ENPP2: variants seen among roughly 807,000 people sequenced by gnomAD.
The protein encoded by ENPP2 is autotaxin.
Under a neutral mutation model 120.2 loss-of-function variants are expected in ENPP2, and 51 were observed. The ratio of observed to expected loss-of-function variants is 0.42; its 90% CI spans 0.34 to 0.54. The LOEUF (loss-of-function observed/expected upper bound fraction) is 0.54. Among genes scored for constraint, ENPP2 ranks in the 20% least tolerant of loss-of-function variants. The pLI is 0.04. For synonymous variants in ENPP2, 365 were observed against 366.4 expected (o/e 1.00, Z 0.04); for missense variants, 920 against 1,066.5 (o/e 0.86, Z 1.91).
chr8:119,586,299 A>C lies in ENPP2; in HGVS notation c.1254T>G (p.Asp418Glu), dbSNP rs756558000. 8 of 1,614,014 alleles carry C rather than the reference A, an allele frequency of 5.0e-6. No homozygotes were observed. In the East Asian group the frequency reaches 1.8e-4, roughly 36 times the overall value. ...GTTTCAAGTAAGGCTTAAAGTGCTG[A>C]TCTGGTTTTTTACACTGAAATAGAA... ...IIANLTCKKP[D>E]QHFKPYLKQH... is the part of the protein sequence containing the mutation. The change falls in exon 15 of 25, where the codon GAT becomes GAG. Residue 418 changes from aspartate (D) to glutamate (E), a missense_variant. Asp to Glu is a conservative substitution (Grantham distance 45). Coordinates refer to ENST00000075322, the MANE Select transcript of ENPP2 (RefSeq NM_001040092.3).
intron 3 of ENPP2, among the ~76,000 whole-genome samples, chr8:119,625,979 G>A (rs1816244565): frequency 6.6e-6 from 1 of 152,142 alleles, no homozygotes; most frequent in South Asian, 2.1e-4. Flanking sequence ...GGAATGACAG[G>A]CACACTAACA....
At chr8:119,569,397 A>G in intron 20 of ENPP2, 27 bp from the exon 21 acceptor site, 2 of 1,612,808 alleles carry the variant, frequency 1.2e-6, no homozygotes, top group Non-Finnish European at 1.7e-6. Context: ...GGCACTCAGC[A>G]ATGCCGTGGC....
chr8:119,644,623 T>TATATATATATATAC (rs1563768976), intron 1 of ENPP2, among the ~76,000 whole-genome samples: 2 of 97,250 alleles, frequency 2.1e-5, no homozygotes, highest in South Asian at 3.9e-4. Context: ...TATATATATA[T>TATATATATATATAC]ATACACACAC....
chr8:119,578,607 T>C (rs766455202), intron 19 of ENPP2: 6 of 152,252 alleles, frequency 3.9e-5, no homozygotes, highest in Non-Finnish European at 7.3e-5. Flanking sequence ...ACTTGAATCA[T>C]GAGACTCCCC....
At chr8:119,559,539 C>A (rs921155376) in intron 24 of ENPP2, among the ~76,000 whole-genome samples, 1 of 152,182 alleles carries the variant, frequency 6.6e-6, no homozygotes, top group South Asian at 2.1e-4. Flanking sequence ...TTCTATAATT[C>A]ATCATTAGGA....
At chr8:119,581,551 C>T (rs1413613063) in intron 18 of ENPP2, among the ~76,000 whole-genome samples, 1 of 152,054 alleles carries the variant, frequency 6.6e-6, no homozygotes, top group Non-Finnish European at 1.5e-5. Flanking sequence ...CACTCATCGG[C>T]CAAATACAAT....
chr8:119,633,059 A>AAAC (rs1231997720), intron 2 of ENPP2, among the ~76,000 whole-genome samples: 1 of 152,230 alleles, frequency 6.6e-6, no homozygotes, highest in Non-Finnish European at 1.5e-5. Flanking sequence ...CCATCTCAAA[A>AAAC]AACAACAACA....
chr8:119,637,384 T>A (rs1456036527), intron 2 of ENPP2, among the ~76,000 whole-genome samples: 1 of 152,206 alleles, frequency 6.6e-6, no homozygotes, highest in African/African-American at 2.4e-5. Flanking sequence ...TCACTTCTAA[T>A]ATTATTCTTT....
chr8:119,595,130 G>A (rs1363146290), intron 11 of ENPP2, among the ~76,000 whole-genome samples: 2 of 152,156 alleles, frequency 1.3e-5, no homozygotes, highest in East Asian at 3.9e-4. Context: ...AATACCAAAT[G>A]AACAATGTGT....
chr8:119,560,537 A>G (rs1034968387), intron 24 of ENPP2, among the ~76,000 whole-genome samples: 22 of 152,184 alleles, frequency 1.4e-4, no homozygotes, highest in African/African-American at 5.1e-4. Context: ...CCACAACCCC[A>G]GTTCAAGTTC....
intron 1 of ENPP2, among the ~76,000 whole-genome samples, chr8:119,649,861 C>T (rs1339406277): frequency 6.6e-6 from 1 of 152,154 alleles, no homozygotes; most frequent in Non-Finnish European, 1.5e-5. Flanking sequence ...TACCACTTTA[C>T]CCCCACTAGG....
rs1252546525 is a variant in ENPP2 at position 119,600,722 on chromosome 8, G to T, written c.928C>A (p.Gln310Lys). 6.2e-7 allele frequency: 1 copy of T among 1,612,680 alleles called. No homozygotes were observed. The highest frequency in any genetic ancestry group is 1.1e-5 in the South Asian group (1 of 91,058). The change falls in exon 11 of 25, where the codon CAA becomes AAA. Residue 310 changes from glutamine (Q) to lysine (K), a missense_variant. Transcript: ENST00000075322. ...RPSVYAFYSEQPDFSGHKYGP... is the reference protein window; with the variant it reads ...RPSVYAFYSEKPDFSGHKYGP... ...TATTTGTGTCCAGAGAAATCAGGTTGCTCAGAATAGAAGGCATAGACCGAA... is the reference window on the plus strand; with the variant it reads ...TATTTGTGTCCAGAGAAATCAGGTTTCTCAGAATAGAAGGCATAGACCGAA...
At chr8:119,584,869 A>G (rs916145675) in intron 15 of ENPP2, among the ~76,000 whole-genome samples, 12 of 152,218 alleles carry the variant, frequency 7.9e-5, no homozygotes, top group African/African-American at 2.7e-4. Context: ...GTGCTTTGGG[A>G]AAACAAAAAA....
intron 20 of ENPP2, among the ~76,000 whole-genome samples, chr8:119,569,997 G>T (rs1166354040): frequency 6.6e-6 from 1 of 152,068 alleles, no homozygotes; most frequent in Non-Finnish European, 1.5e-5. Flanking sequence ...GGCCAGGCGT[G>T]GTGGCTCATG....
In ENPP2 at chr8:119,608,460, G is replaced by A. The variant is rs543811856; in HGVS notation, c.778-483C>T. ...TTTAAACTAGATGAATGAGAAGGGGGAAAAAGGCTAATTTTTAATTTTGAT... is the reference window on the plus strand; with the variant it reads ...TTTAAACTAGATGAATGAGAAGGGGAAAAAAGGCTAATTTTTAATTTTGAT... On this transcript the variant is annotated intron_variant, in intron 8 of 24. Transcript: ENST00000075322. Among the ~76,000 whole-genome samples the A allele has an allele frequency of 3.3e-5, 5 of 152,304 alleles. 1 individual carries two copies. Among genetic ancestry groups the A allele is most frequent in the African/African-American group, 1.2e-4 (5 of 41,582 alleles).
At chr8:119,642,218 C>T (rs569569895), upstream of ENPP2, among the ~76,000 whole-genome samples, 1 of 152,240 alleles carries the variant, frequency 6.6e-6, no homozygotes, top group East Asian at 1.9e-4. Context: ...TTCAAGCTCA[C>T]CACTTCTTTC....
chr8:119,564,192 G>T (rs1403825842), intron 23 of ENPP2, among the ~76,000 whole-genome samples: 1 of 151,470 alleles, frequency 6.6e-6, no homozygotes, highest in Non-Finnish European at 1.5e-5. Flanking sequence ...AAAATCTAAG[G>T]GATTCTTAAG....
upstream of ENPP2, among the ~76,000 whole-genome samples, chr8:119,642,462 T>C (rs555248855): frequency 9.2e-5 from 14 of 152,322 alleles, no homozygotes; most frequent in East Asian, 2.7e-3. Context: ...GTCTAATAAA[T>C]ACAATATCTA....
Position 119,585,946 on chromosome 8 carries a change from A to C in ENPP2, c.1367+240T>G, listed in dbSNP as rs757746175. Among the ~76,000 whole-genome samples, 9 of 152,016 alleles carry C rather than the reference A, an allele frequency of 5.9e-5. No homozygotes were observed. The highest frequency in any genetic ancestry group is 1.0e-4 in the Non-Finnish European group (7 of 68,000). ...GAAAGAGACACACACACACACACAC[A>C]CACACACACACACACAGATGCACTG... On this transcript the variant is annotated intron_variant, in intron 15 of 24. Transcript: ENST00000075322.
Sources: gnomAD v4.1 joint callset for allele counts (sites outside exome capture counted in the v4.1 genomes callset) on GRCh38, gnomAD v4.1.1 for gene constraint, MANE v1.5 for transcripts, NCBI Gene and HGNC (gene_info 2026-07-23, HGNC 2026-07-21) for gene names.